The following RGS7 variants were observed in gnomAD, a reference collection of about 807,000 sequenced individuals.
RGS7 encodes the protein regulator of G protein signaling 7, also known as regulator of G-protein signaling 7.
RGS7 carries 27 observed loss-of-function variants against 81.1 expected under a neutral mutation model. The ratio of observed to expected loss-of-function variants is 0.33; its 90% CI spans 0.25 to 0.46. The LOEUF (loss-of-function observed/expected upper bound fraction) is 0.46. Among genes scored for constraint, RGS7 ranks in the 20% least tolerant of loss-of-function variants. The pLI, the probability that RGS7 is intolerant of heterozygous loss-of-function variation, is 1.00. For missense variants in RGS7, 396 were observed against 607.4 expected, an observed-to-expected ratio of 0.65 and a Z score of 3.66; for synonymous variants, 208 against 207.7, an observed-to-expected ratio of 1.00 and a Z score of -0.01.
In RGS7 at chr1:241,269,334, G is replaced by C. The variant is rs138312202; in HGVS notation, c.78+86365C>G. The stretch of plus-strand genomic sequence containing the variant: ...AGACGCCTCCTGGCGGATGCCTACA[G>C]CAATACCTGGAGCATGCCAGCAAGT... On this transcript the variant is annotated intron_variant, in intron 2 of 18. Transcript: ENST00000440928. 1.3e-3 allele frequency among the ~76,000 whole-genome samples: 198 copies of C among 152,354 alleles called. 2 individuals are homozygous for C. Among genetic ancestry groups the C allele is most frequent in the African/African-American group, 4.3e-3 (180 of 41,584 alleles).
At position 241,212,755 on chromosome 1, in the gene RGS7, C is replaced by T. The variant is rs1277255807; in HGVS notation, c.79-113993G>A. Among the ~76,000 whole-genome samples the T allele has an allele frequency of 2.0e-5, 3 of 152,198 alleles. No homozygotes were observed. The East Asian group carries it at 5.8e-4, about 29-fold the overall frequency. On this transcript the variant is annotated intron_variant, in intron 2 of 18. Transcript: ENST00000440928. ...CAGCAGGGTGTCCTCTACATTCTGT[C>T]TAATGAATGAATGGCCTGCCCTGGA...
chr1:241,292,605 G>A (rs1335160054), intron 2 of RGS7, among the ~76,000 whole-genome samples: 3 of 152,166 alleles, frequency 2.0e-5, no homozygotes, highest in Non-Finnish European at 4.4e-5. Context: ...GAAGAGTACA[G>A]AACACAGAGC....
intron 3 of RGS7, among the ~76,000 whole-genome samples, chr1:241,045,409 G>T (rs530568811): frequency 2.0e-4 from 31 of 152,134 alleles, no homozygotes; most frequent in African/African-American, 7.2e-4. Context: ...TGTCGCCCAG[G>T]CTGGAGTGCA....
chr1:240,896,892 G>A (rs192159076), intron 6 of RGS7, among the ~76,000 whole-genome samples: 1 of 152,130 alleles, frequency 6.6e-6, no homozygotes. Context: ...CCATTTTCAT[G>A]ATATTGATTC....
At chr1:240,822,227 T>C (rs944881816) in intron 10 of RGS7, among the ~76,000 whole-genome samples, 8 of 152,212 alleles carry the variant, frequency 5.3e-5, no homozygotes, top group African/African-American at 1.9e-4. Flanking sequence ...GCCTTTTTTG[T>C]TGTTGTTTGT....
chr1:241,176,715 G>C (rs1248516398), intron 2 of RGS7, among the ~76,000 whole-genome samples: 1 of 152,034 alleles, frequency 6.6e-6, no homozygotes, highest in Non-Finnish European at 1.5e-5. Flanking sequence ...GGATATGGCT[G>C]ACTGTAATAT....
intron 2 of RGS7, among the ~76,000 whole-genome samples, chr1:241,242,143 T>C (rs1054758779): frequency 1.8e-4 from 27 of 151,922 alleles, no homozygotes; most frequent in African/African-American, 6.3e-4. Context: ...CACTGTATCA[T>C]TCTTAGGCCT....
At chr1:240,800,589 C>A (rs1045585037) in intron 18 of RGS7, 52 bp downstream of exon 18, 5 of 1,169,920 alleles carry the variant, frequency 4.3e-6, no homozygotes, top group Non-Finnish European at 6.1e-6. Flanking sequence ...CTAAACCACA[C>A]AACTCAACAG....
At chr1:240,912,233 G>A (rs918334535) in intron 6 of RGS7, among the ~76,000 whole-genome samples, 1 of 150,462 alleles carries the variant, frequency 6.6e-6, no homozygotes, top group Admixed American at 6.6e-5. Context: ...ATGTAAGCTG[G>A]TAAGTGTTAT....
intron 2 of RGS7, among the ~76,000 whole-genome samples, chr1:241,235,873 G>C (rs539342298): frequency 5.5e-4 from 74 of 133,558 alleles, no homozygotes; most frequent in African/African-American, 1.9e-3. Flanking sequence ...AATATAGGGA[G>C]TGAGATACAA....
At chr1:240,998,681 A>G in intron 3 of RGS7, 1 of 1,154,702 alleles carries the variant, frequency 8.7e-7, no homozygotes. Flanking sequence ...AGGGTTCAAC[A>G]TTTACACCGG....
intron 2 of RGS7, among the ~76,000 whole-genome samples, chr1:241,293,080 TAAC>T (rs1387418569): frequency 6.6e-6 from 1 of 152,218 alleles, no homozygotes; most frequent in African/African-American, 2.4e-5. Context: ...ATCAATTGCT[TAAC>T]AACATTTCAG....
rs573802337 is a variant in RGS7, at chr1:241,207,764, G to A, written c.79-109002C>T. 6.8e-4 allele frequency among the ~76,000 whole-genome samples: 104 copies of A among 152,266 alleles called. 1 individual carries two copies. In the South Asian group the frequency reaches 0.02, roughly 29 times the overall value. ...ATCTTCCACACGTTTGGAAGCAGTT[G>A]TCCATAAACTACCTTCGAATGAAAC... On this transcript the variant is annotated intron_variant, in intron 2 of 18. Coordinates refer to ENST00000440928, the MANE Select transcript of RGS7 (RefSeq NM_001364886.1).
At chr1:241,338,965 T>C (rs1044919074) in intron 2 of RGS7, among the ~76,000 whole-genome samples, 6 of 152,072 alleles carry the variant, frequency 3.9e-5, no homozygotes, top group Admixed American at 2.0e-4. Flanking sequence ...TGTGTCATGG[T>C]GGTTTGCCGC....
chr1:240,924,966 T>C (rs985441507), intron 6 of RGS7, among the ~76,000 whole-genome samples: 2 of 152,150 alleles, frequency 1.3e-5, no homozygotes, highest in South Asian at 4.1e-4. Flanking sequence ...ATGGGTGAGA[T>C]GAGTCATACA....
At chr1:240,998,361 G>A (rs1687610494) in intron 3 of RGS7, 1 of 501,796 alleles carries the variant, frequency 2.0e-6, no homozygotes, top group African/African-American at 1.9e-5. Flanking sequence ...TCTTTGCTAT[G>A]CTTGTGATGT....
chr1:240,871,993 A>G (rs1664573880), intron 6 of RGS7, among the ~76,000 whole-genome samples: 1 of 152,188 alleles, frequency 6.6e-6, no homozygotes, highest in Non-Finnish European at 1.5e-5. Context: ...GTTTCTCACC[A>G]TTAGGTACCC....
At position 240,987,447 on chromosome 1, in the gene RGS7, G is replaced by A. The variant is rs572261795; in HGVS notation, c.176-4318C>T. Reference sequence around the variant, plus strand: ...GAAGCCTCAGAACCACATAGACACAGTGCTGACAATACAAATATTTTTATT... The same window carrying A: ...GAAGCCTCAGAACCACATAGACACAATGCTGACAATACAAATATTTTTATT... On this transcript the variant is annotated intron_variant, in intron 3 of 18. Coordinates refer to ENST00000440928, the MANE Select transcript of RGS7 (RefSeq NM_001364886.1). 9.2e-5 allele frequency among the ~76,000 whole-genome samples: 14 copies of A among 152,050 alleles called. No individual in the cohort carries two copies. The East Asian group carries it at 2.7e-3, about 29-fold the overall frequency.
chr1:241,254,386 G>A (rs2148235182), intron 2 of RGS7, among the ~76,000 whole-genome samples: 1 of 152,130 alleles, frequency 6.6e-6, no homozygotes, highest in African/African-American at 2.4e-5. Flanking sequence ...CAGACTGGGT[G>A]GCTTAAACAA....
Sources: gnomAD v4.1 joint callset for allele counts (sites outside exome capture counted in the v4.1 genomes callset) on GRCh38, gnomAD v4.1.1 for gene constraint, MANE v1.5 for transcripts, NCBI Gene and HGNC (gene_info 2026-07-23, HGNC 2026-07-21) for gene names.